Variants in SCAPER observed in about 807,000 individuals in gnomAD.
SCAPER encodes the protein S phase cyclin A-associated protein in the endoplasmic reticulum.
A neutral mutation model predicts 182.2 loss-of-function variants in SCAPER; 98 were observed. The ratio of observed to expected loss-of-function variants is 0.54; its 90% CI spans 0.46 to 0.64. The LOEUF (loss-of-function observed/expected upper bound fraction) is 0.64, where lower values mean the gene tolerates loss of function less well. SCAPER is among the 30% of genes least tolerant of loss of function. SCAPER has a pLI of 0.00. For missense variants in SCAPER, 1,432 were observed against 1,690.0 expected (o/e 0.85, Z 2.68); for synonymous variants, 605 against 564.6 (o/e 1.07, Z -1.01).
chr15:76,744,890 CATCAATAGTGCCT>C (rs2061715636), intron 15 of SCAPER, among the ~76,000 whole-genome samples: 1 of 152,004 alleles, frequency 6.6e-6, no homozygotes, highest in African/African-American at 2.4e-5. Context: ...CCCAGGAGTC[CATCAATAGTGCCT>C]ATCGATAGAC....
intron 24 of SCAPER, among the ~76,000 whole-genome samples, chr15:76,503,996 C>A (rs998828985): frequency 2.0e-5 from 3 of 151,922 alleles, no homozygotes; most frequent in African/African-American, 7.3e-5. Flanking sequence ...AGTGATCCTT[C>A]CTTTCTTAGC....
intron 23 of SCAPER, among the ~76,000 whole-genome samples, chr15:76,531,005 A>G (rs116927780): frequency 0.022 from 3,272 of 151,788 alleles, 54 homozygotes; most frequent in Middle Eastern, 0.048. Flanking sequence ...GTATATATAT[A>G]TAATCCAAAC....
intron 25 of SCAPER, among the ~76,000 whole-genome samples, chr15:76,455,026 T>C (rs2048625313): frequency 6.6e-6 from 1 of 152,188 alleles, no homozygotes. Context: ...AACTTTTTAA[T>C]TATTCCTCAA....
chr15:76,555,283 T>G (rs1436629220), intron 23 of SCAPER, among the ~76,000 whole-genome samples: 1 of 152,146 alleles, frequency 6.6e-6, no homozygotes, highest in Non-Finnish European at 1.5e-5. Flanking sequence ...AAAAACACAC[T>G]TAAGTACATA....
intron 8 of SCAPER, among the ~76,000 whole-genome samples, chr15:76,786,736 A>G (rs2064638205): frequency 1.3e-5 from 2 of 152,216 alleles, no homozygotes; most frequent in Non-Finnish European, 2.9e-5. Flanking sequence ...CTATTTTTAG[A>G]TGACATAATA....
intron 24 of SCAPER, among the ~76,000 whole-genome samples, chr15:76,498,061 A>C (rs2040764442): frequency 6.6e-6 from 1 of 150,464 alleles, no homozygotes; most frequent in African/African-American, 2.4e-5. Context: ...CTAAGTTGAC[A>C]GATATTGGCG....
At chr15:76,428,743 C>T (rs187088985) in intron 26 of SCAPER, among the ~76,000 whole-genome samples, 22 of 151,314 alleles carry the variant, frequency 1.5e-4, no homozygotes, top group East Asian at 1.4e-3. Context: ...AGAGTGACTA[C>T]GGTTAACAGT....
intron 7 of SCAPER, among the ~76,000 whole-genome samples, chr15:76,799,376 G>A (rs537695880): frequency 5.5e-5 from 3 of 54,162 alleles, no homozygotes; most frequent in East Asian, 9.7e-4. Context: ...ACCTCCACCC[G>A]CCCCCGCCCC....
chr15:76,755,183 T>G (rs1598531468), intron 14 of SCAPER, among the ~76,000 whole-genome samples: 1 of 152,202 alleles, frequency 6.6e-6, no homozygotes, highest in South Asian at 2.1e-4. Context: ...TGTGATTGTG[T>G]TAGAGCACTT....
chr15:76,591,854 G>A (rs952184269), intron 22 of SCAPER, among the ~76,000 whole-genome samples: 1 of 152,160 alleles, frequency 6.6e-6, no homozygotes, highest in African/African-American at 2.4e-5. Flanking sequence ...TACCTCAGCA[G>A]TTTGAGACCA....
Position 76,515,350 on chromosome 15 carries a change from T to G in SCAPER, c.2839-10376A>C, listed in dbSNP as rs369917483. On this transcript the variant is annotated intron_variant, in intron 23 of 31. Coordinates refer to ENST00000563290, the MANE Select transcript of SCAPER (RefSeq NM_020843.4). ...AGACCTGAGTGGTCTTTCTCTTTCT[T>G]TTTAAGCTGTTGGGAGATAGATGAC... is the stretch of plus-strand genomic sequence containing the variant. Among the ~76,000 whole-genome samples, 5 of 152,336 alleles carry G rather than the reference T, an allele frequency of 3.3e-5. No individual in the cohort carries two copies. The East Asian group carries it at 7.7e-4, about 23-fold the overall frequency.
chr15:76,474,140 C>T (rs2050431077), intron 24 of SCAPER, among the ~76,000 whole-genome samples: 1 of 152,138 alleles, frequency 6.6e-6, no homozygotes, highest in Non-Finnish European at 1.5e-5. Context: ...ATATGCTTGC[C>T]TGAATTCTTC....
intron 23 of SCAPER, among the ~76,000 whole-genome samples, 186 bp downstream of exon 23, chr15:76,573,972 T>C (rs2047636647): frequency 6.6e-6 from 1 of 151,510 alleles, no homozygotes; most frequent in Admixed American, 6.6e-5. Context: ...AAAAAAAACC[T>C]GAAAATAGCT....
At chr15:76,528,727 G>A (rs1272162732) in intron 23 of SCAPER, among the ~76,000 whole-genome samples, 1 of 152,166 alleles carries the variant, frequency 6.6e-6, no homozygotes, top group African/African-American at 2.4e-5. Context: ...ATTGCAGCCT[G>A]AAAGATCTTT....
chr15:76,801,757 T>C (rs1365975617), intron 6 of SCAPER, among the ~76,000 whole-genome samples: 2 of 152,028 alleles, frequency 1.3e-5, no homozygotes, highest in African/African-American at 2.4e-5. Flanking sequence ...CTATGTCTAC[T>C]AAAAATACAA....
rs73455353 is a variant in SCAPER, at chr15:76,851,697, A to G, written c.195+6112T>C. ...AGAGATCTTGAAAGCAGCACAAAAT[A>G]TAGAAAGGAAGAACTGCTACCAACC... On this transcript the variant is annotated intron_variant, in intron 4 of 31. Transcript: ENST00000563290. Among the ~76,000 whole-genome samples the G allele has an allele frequency of 6.6e-3, 1,011 of 152,316 alleles. 13 individuals carry two copies. The highest frequency in any genetic ancestry group is 0.023 in the African/African-American group (965 of 41,560).
chr15:76,633,615 T>G (rs2053340673), intron 21 of SCAPER, among the ~76,000 whole-genome samples: 1 of 152,184 alleles, frequency 6.6e-6, no homozygotes, highest in Non-Finnish European at 1.5e-5. Flanking sequence ...CATAAACACC[T>G]GGCTGGGGAT....
chr15:76,729,386 AAT>A (rs1185549317), intron 16 of SCAPER, among the ~76,000 whole-genome samples: 1 of 151,804 alleles, frequency 6.6e-6, no homozygotes, highest in African/African-American at 2.4e-5. Flanking sequence ...TACAGAACTT[AAT>A]ATATGTTTTC....
intron 24 of SCAPER, among the ~76,000 whole-genome samples, chr15:76,495,230 A>C (rs2040375020): frequency 6.6e-6 from 1 of 152,066 alleles, no homozygotes; most frequent in Non-Finnish European, 1.5e-5. Flanking sequence ...GTAAAACAAC[A>C]ACCCAATCCG....
Sources: allele counts gnomAD v4.1 joint callset (sites outside exome capture counted in the v4.1 genomes callset), GRCh38; gene constraint gnomAD v4.1.1; transcripts MANE v1.5; gene names NCBI Gene and HGNC (gene_info 2026-07-23, HGNC 2026-07-21).